PPP6R3: variants seen among roughly 807,000 people sequenced by gnomAD.
PPP6R3 encodes the protein protein phosphatase 6 regulatory subunit 3.
PPP6R3 carries 38 observed loss-of-function variants against 110.7 expected under a neutral mutation model. The ratio of observed to expected loss-of-function variants is 0.34; its 90% CI spans 0.26 to 0.45. The LOEUF is 0.45. Among genes scored for constraint, PPP6R3 ranks in the 20% least tolerant of loss-of-function variants. The pLI is 1.00. For missense variants in PPP6R3, 870 were observed against 1,062.4 expected (o/e 0.82, Z 2.52); for synonymous variants, 369 against 373.5 (o/e 0.99, Z 0.14).
rs879835450 is a variant in PPP6R3, at chr11:68,476,285, AC to A, written c.-158+15462del. ...AGACCAGCCCGGCCAACACAGCGAA[AC>A]CCCGTCTCCACCAAAAAAATACGAA... On this transcript the variant is annotated intron_variant, in intron 1 of 23. Coordinates refer to ENST00000393800, the MANE Select transcript of PPP6R3 (RefSeq NM_001164161.2). Among the ~76,000 whole-genome samples, 1,181 of 152,178 alleles carry A rather than the reference AC, an allele frequency of 7.8e-3. 14 individuals carry two copies. The highest frequency in any genetic ancestry group is 8.1e-3 in the Non-Finnish European group (553 of 67,996).
At chr11:68,580,773 T>C (rs2099550858) in intron 14 of PPP6R3, among the ~76,000 whole-genome samples, 1 of 93,190 alleles carries the variant, frequency 1.1e-5, no homozygotes, top group Admixed American at 1.1e-4. Flanking sequence ...TTTTTTTTTT[T>C]TTTTTTTTTT....
intron 21 of PPP6R3, 97 bp downstream of exon 21, chr11:68,602,066 G>A (rs1297676362): frequency 2.2e-6 from 2 of 925,154 alleles, no homozygotes; most frequent in Non-Finnish European, 3.2e-6. Context: ...GAGCCCGGGA[G>A]TGAGATGGTG....
intron 8 of PPP6R3, among the ~76,000 whole-genome samples, chr11:68,563,221 T>C (rs2099434099): frequency 6.6e-6 from 1 of 152,120 alleles, no homozygotes; most frequent in Non-Finnish European, 1.5e-5. Context: ...CAGTAATTTA[T>C]CCTCTCACAG....
chr11:68,564,535 G>C, intron 9 of PPP6R3, 103 bp downstream of exon 9: 1 of 1,297,622 alleles, frequency 7.7e-7, no homozygotes, highest in Non-Finnish European at 1.1e-6. Flanking sequence ...GCTGTGGTCT[G>C]CATGTACAAA....
At chr11:68,593,595 T>G (rs1215673936) in intron 18 of PPP6R3, among the ~76,000 whole-genome samples, 2 of 151,988 alleles carry the variant, frequency 1.3e-5, no homozygotes, top group Non-Finnish European at 2.9e-5. Flanking sequence ...TAAAATCAAA[T>G]CATAAAATAC....
intron 13 of PPP6R3, among the ~76,000 whole-genome samples, chr11:68,575,721 T>C (rs1024231575): frequency 6.6e-6 from 1 of 152,096 alleles, no homozygotes; most frequent in African/African-American, 2.4e-5. Flanking sequence ...GCCTATACCA[T>C]TGGGTAGGGG....
At chr11:68,511,653 G>C (rs1054423181) in intron 1 of PPP6R3, among the ~76,000 whole-genome samples, 1 of 151,532 alleles carries the variant, frequency 6.6e-6, no homozygotes, top group Admixed American at 6.6e-5. Flanking sequence ...GCTAATTTTT[G>C]TATTTTTAGC....
chr11:68,585,917 A>G (rs986834713), intron 15 of PPP6R3, among the ~76,000 whole-genome samples: 1 of 152,144 alleles, frequency 6.6e-6, no homozygotes, highest in Non-Finnish European at 1.5e-5. Flanking sequence ...TTTGGGGAAT[A>G]TTTCTTCCCC....
Position 68,494,102 on chromosome 11 carries a change from C to CAA in PPP6R3, c.-157-25385_-157-25384dup, listed in dbSNP as rs11369178. Among the ~76,000 whole-genome samples, 1,124 of 118,220 alleles carry CAA rather than the reference C, an allele frequency of 9.5e-3. 12 individuals are homozygous for CAA. The highest frequency in any genetic ancestry group is 0.028 in the African/African-American group (818 of 28,970). The allele number at this position is 118,220 out of a possible 152,430, so 77.6% of individuals were successfully genotyped here. ...TGGGCAGCTGAGCGAGACTCCATCT[C>CAA]AAAAAAAAAAAAAAAGAATAAATAA... On this transcript the variant is annotated intron_variant, in intron 1 of 23. Coordinates refer to ENST00000393800, the MANE Select transcript of PPP6R3 (RefSeq NM_001164161.2).
Position 68,613,197 on chromosome 11 carries a change from C to T in PPP6R3, c.*80C>T. On this transcript the variant is annotated 3_prime_UTR_variant, in exon 24 of 24. Coordinates refer to ENST00000393800, the MANE Select transcript of PPP6R3 (RefSeq NM_001164161.2). ...CTCTGGAGGGGTCAGCTGGAGCCCA[C>T]CAAGCTGTCACTGCTGCACTCACTC... 1 of 1,583,430 alleles carries T rather than the reference C, an allele frequency of 6.3e-7. No homozygotes were observed. The highest frequency in any genetic ancestry group is 8.6e-7 in the Non-Finnish European group (1 of 1,165,320).
intron 2 of PPP6R3, among the ~76,000 whole-genome samples, chr11:68,525,901 C>T (rs1006185013): frequency 2.0e-5 from 3 of 152,200 alleles, no homozygotes; most frequent in Non-Finnish European, 4.4e-5. Context: ...AACTGGGTTT[C>T]ACTTAATACA....
intron 22 of PPP6R3, 119 bp downstream of exon 22, chr11:68,603,611 GTCTT>G: frequency 7.9e-7 from 1 of 1,268,584 alleles, no homozygotes; most frequent in Non-Finnish European, 1.1e-6. Flanking sequence ...CTAGCTTGAT[GTCTT>G]TCTGTTGTCT....
At chr11:68,587,637 C>G (rs2099582984) in intron 15 of PPP6R3, 2 of 452,238 alleles carry the variant, frequency 4.4e-6, no homozygotes, top group Non-Finnish European at 8.2e-6. Flanking sequence ...TTAAACTAGG[C>G]TTAATCCAAA....
intron 7 of PPP6R3, among the ~76,000 whole-genome samples, chr11:68,555,054 C>T (rs1316377205): frequency 6.6e-6 from 1 of 152,124 alleles, no homozygotes; most frequent in East Asian, 1.9e-4. Context: ...GTAAGACAGG[C>T]AGGGAATACA....
intron 2 of PPP6R3, among the ~76,000 whole-genome samples, chr11:68,520,175 G>A (rs777651812): frequency 6.6e-6 from 1 of 152,192 alleles, no homozygotes; most frequent in Non-Finnish European, 1.5e-5. Context: ...TAGAAGTGGC[G>A]CAGTAGGTCC....
chr11:68,601,509 A>G (rs1303375869), intron 20 of PPP6R3, among the ~76,000 whole-genome samples: 2 of 152,212 alleles, frequency 1.3e-5, no homozygotes, highest in Admixed American at 6.5e-5. Context: ...AACCTGATAA[A>G]TACCGTTGCC....
intron 7 of PPP6R3, among the ~76,000 whole-genome samples, chr11:68,557,936 T>C (rs553897627): frequency 1.3e-5 from 2 of 152,358 alleles, no homozygotes; most frequent in East Asian, 1.9e-4. Context: ...TATCTTACTA[T>C]GTATGAGAGA....
chr11:68,567,172 A>AT lies in PPP6R3; in HGVS notation c.1128+10dup. On this transcript the variant is annotated splice_region_variant and intron_variant, in intron 10 of 23. Coordinates refer to ENST00000393800, the MANE Select transcript of PPP6R3 (RefSeq NM_001164161.2). ...ATAGCATTGGAGTCATATTGGTGAG[A>AT]TTTTCCCTGCTCACAGACATTTTAA... 2.0e-6 allele frequency: 3 copies of AT among 1,534,802 alleles called. No homozygotes were observed. The highest frequency in any genetic ancestry group is 2.6e-6 in the Non-Finnish European group (3 of 1,138,840).
At chr11:68,526,945 G>A (rs990269058) in intron 2 of PPP6R3, among the ~76,000 whole-genome samples, 1 of 152,154 alleles carries the variant, frequency 6.6e-6, no homozygotes, top group African/African-American at 2.4e-5. Flanking sequence ...TTGGTTGGTG[G>A]TTGACTTTAA....
Sources: gnomAD v4.1 joint callset for allele counts (sites outside exome capture counted in the v4.1 genomes callset) on GRCh38, gnomAD v4.1.1 for gene constraint, MANE v1.5 for transcripts, NCBI Gene and HGNC (gene_info 2026-07-23, HGNC 2026-07-21) for gene names.